The following USP46 variants were observed in gnomAD, a reference collection of about 807,000 sequenced individuals.
USP46 encodes the protein ubiquitin specific peptidase 46, also known as ubiquitin carboxyl-terminal hydrolase 46.
USP46 carries 12 observed loss-of-function variants against 44.4 expected under a neutral mutation model. The observed-to-expected ratio is 0.27, with a 90% confidence interval of 0.17 to 0.44. USP46 has a LOEUF of 0.44. Ranked by LOEUF, USP46 falls within the 20% of genes least tolerant of loss-of-function variation. USP46 has a pLI of 1.00. For missense variants in USP46, 248 were observed against 444.8 expected, an observed-to-expected ratio of 0.56 and a Z score of 3.98; for synonymous variants, 155 against 161.5, an observed-to-expected ratio of 0.96 and a Z score of 0.31.
chr4:52,623,553 A>G (rs1028471170), intron 4 of USP46, among the ~76,000 whole-genome samples: 1 of 152,216 alleles, frequency 6.6e-6, no homozygotes, highest in African/African-American at 2.4e-5. Flanking sequence ...AATACATTAG[A>G]TGCCAAAAAA....
In USP46 at chr4:52,633,151, G is replaced by A. The variant is rs1717981849; in HGVS notation, c.37-2007C>T. Reference sequence around the variant, plus strand: ...ACGTAACTGAGAACTAGTTGAAATGGCCACTTGTCCCTAAGCAAACATTAA... The same window carrying A: ...ACGTAACTGAGAACTAGTTGAAATGACCACTTGTCCCTAAGCAAACATTAA... On this transcript the variant is annotated intron_variant, in intron 1 of 8. Coordinates refer to ENST00000441222, the MANE Select transcript of USP46 (RefSeq NM_022832.4). 2.6e-5 allele frequency among the ~76,000 whole-genome samples: 4 copies of A among 152,100 alleles called. 1 individual carries two copies. Among genetic ancestry groups the A allele is most frequent in the Admixed American group, 2.6e-4 (4 of 15,274 alleles).
At position 52,595,947 on chromosome 4, in the gene USP46, C is replaced by G. The variant is rs1437832705; in HGVS notation, c.*1693G>C. ...AAAATATTTATAAATGTGAAATTGC[C>G]TCTAAACAAGGCAAGGTACATTTCC... is the stretch of plus-strand genomic sequence containing the variant. On this transcript the variant is annotated 3_prime_UTR_variant, in exon 9 of 9. Transcript: ENST00000441222. The G allele has an allele frequency of 2.6e-5, 4 of 152,590 alleles. No individual in the cohort carries two copies. Among genetic ancestry groups the G allele is most frequent in the African/African-American group, 9.7e-5 (4 of 41,430 alleles). The allele number at this position is 152,590 out of a possible 1,614,324, so 9.5% of individuals were successfully genotyped here. A position where few individuals can be genotyped will look rare whatever the true frequency, so the allele number is the denominator to read the frequency against.
intron 1 of USP46, among the ~76,000 whole-genome samples, chr4:52,632,994 G>GAAAGA (rs1553891327): frequency 3.3e-5 from 3 of 91,324 alleles, no homozygotes; most frequent in African/African-American, 9.2e-5. Context: ...GAAAAGAAAA[G>GAAAGA]AAAGAAAGAA....
rs1719082884 is a variant in USP46, at chr4:52,659,242, G to A, written c.-92C>T. On this transcript the variant is annotated 5_prime_UTR_variant, in exon 1 of 9. Coordinates refer to ENST00000441222, the MANE Select transcript of USP46 (RefSeq NM_022832.4). The surrounding 1 kb of genome is among the most constrained non-coding windows in gnomAD (Gnocchi z 4.2). The stretch of plus-strand genomic sequence containing the variant: ...GGCGCGCTGGCGGGGAGGCCGGGCG[G>A]CAGCGCGGCGGCCTGGGGTCCGGCT... The A allele has an allele frequency of 7.2e-7, 1 of 1,393,224 alleles. No homozygotes were observed. The highest frequency in any genetic ancestry group is 3.2e-5 in the East Asian group (1 of 30,968). 86.3% of individuals were successfully genotyped at this position (1,393,224 alleles called of 1,614,324 possible). A position where few individuals can be genotyped will look rare whatever the true frequency, so the allele number is the denominator to read the frequency against.
intron 4 of USP46, among the ~76,000 whole-genome samples, chr4:52,616,094 C>A (rs1717134933): frequency 6.6e-6 from 1 of 152,166 alleles, no homozygotes; most frequent in Non-Finnish European, 1.5e-5. Context: ...CCAACAACTG[C>A]CAAATATTCT....
chr4:52,598,056 C>G (rs562423001), intron 8 of USP46, among the ~76,000 whole-genome samples: 22 of 152,304 alleles, frequency 1.4e-4, no homozygotes, highest in African/African-American at 5.3e-4. Context: ...TAAGTCTTTT[C>G]GGCCACCAGA....
intron 1 of USP46, among the ~76,000 whole-genome samples, chr4:52,649,546 A>G (rs1363470307): frequency 6.6e-6 from 1 of 152,232 alleles, no homozygotes; most frequent in Non-Finnish European, 1.5e-5. Context: ...CTGTACCACC[A>G]GAGAGTTTGT....
intron 4 of USP46, among the ~76,000 whole-genome samples, chr4:52,615,363 C>T (rs1392447718): frequency 6.6e-6 from 1 of 151,690 alleles, no homozygotes; most frequent in African/African-American, 2.4e-5. Context: ...GAAGAGTTAG[C>T]GTAAGTTTGT....
chr4:52,652,313 C>A (rs1034642884), intron 1 of USP46, among the ~76,000 whole-genome samples: 3 of 152,180 alleles, frequency 2.0e-5, no homozygotes, highest in African/African-American at 7.2e-5. Flanking sequence ...GGCATAACTT[C>A]TTTGGAGAGC....
intron 1 of USP46, among the ~76,000 whole-genome samples, chr4:52,637,264 G>T (rs769401751): frequency 5.3e-5 from 8 of 152,128 alleles, no homozygotes; most frequent in Non-Finnish European, 8.8e-5. Context: ...TCCAAGGGCT[G>T]TCTGGGGCCC....
chr4:52,633,545 T>C lies in USP46; in HGVS notation c.37-2401A>G, dbSNP rs73248671. Among the ~76,000 whole-genome samples the C allele has an allele frequency of 4.7e-3, 717 of 152,248 alleles. 1 individual carries two copies. Among genetic ancestry groups the C allele is most frequent in the Non-Finnish European group, 8.3e-3 (567 of 68,018 alleles). On this transcript the variant is annotated intron_variant, in intron 1 of 8. Coordinates refer to ENST00000441222, the MANE Select transcript of USP46 (RefSeq NM_022832.4). Reference sequence around the variant, plus strand: ...TATCTCAAGCATAAATCAATGTAAATAATGCATATTAAATATACCCCCATA... The same window carrying C: ...TATCTCAAGCATAAATCAATGTAAACAATGCATATTAAATATACCCCCATA...
chr4:52,618,611 A>G (rs186503052), intron 4 of USP46, among the ~76,000 whole-genome samples: 11 of 152,214 alleles, frequency 7.2e-5, no homozygotes, highest in Admixed American at 7.2e-4. Context: ...CTAAATCCCC[A>G]TATTCCTTTC....
chr4:52,597,675 A>C lies in USP46; in HGVS notation c.1066T>G (p.Ser356Ala). Residue 356 changes from serine (S) to alanine (A), a missense_variant, in exon 9 of 9, where the codon TCT (serine) becomes GCT (alanine). This residue lies in a region of USP46 where 28 missense variants were observed against 28.5 expected (regional missense o/e 0.98). Coordinates refer to ENST00000441222, the MANE Select transcript of USP46 (RefSeq NM_022832.4). Reference protein sequence around the residue: ...LTSDISKNSESGYILFYQSRE With the variant: ...LTSDISKNSEAGYILFYQSRE ...GACTGATAGAATAAAATATATCCAG[A>C]TTCTGAATTTTTTGATATATCTGAC... The C allele has an allele frequency of 6.3e-7, 1 of 1,599,854 alleles. No homozygotes were observed. Among genetic ancestry groups the C allele is most frequent in the Non-Finnish European group, 8.5e-7 (1 of 1,172,486 alleles).
intron 2 of USP46, chr4:52,628,387 T>G (rs1030444032): frequency 1.4e-5 from 7 of 499,948 alleles, no homozygotes; most frequent in African/African-American, 1.3e-4. Context: ...GGTGCTTCTC[T>G]AGCCCATCAA....
At chr4:52,618,467 G>A (rs538119911) in intron 4 of USP46, among the ~76,000 whole-genome samples, 5 of 151,808 alleles carry the variant, frequency 3.3e-5, no homozygotes, top group African/African-American at 9.7e-5. Context: ...TCCAGCCTGG[G>A]TGACAGAGTG....
At chr4:52,627,151 G>A (rs1560402604) in intron 3 of USP46, among the ~76,000 whole-genome samples, 1 of 152,166 alleles carries the variant, frequency 6.6e-6, no homozygotes, top group Non-Finnish European at 1.5e-5. Context: ...TATTAATCAC[G>A]TTCACAACTC....
At chr4:52,635,328 A>G (rs979178943) in intron 1 of USP46, among the ~76,000 whole-genome samples, 2 of 152,146 alleles carry the variant, frequency 1.3e-5, no homozygotes, top group Non-Finnish European at 2.9e-5. Context: ...CTCTGAACAT[A>G]CACCCAGACA....
chr4:52,657,499 T>A (rs1718997958), intron 1 of USP46, among the ~76,000 whole-genome samples: 1 of 152,164 alleles, frequency 6.6e-6, no homozygotes. Context: ...CACCAAGGGC[T>A]GGGTCGGAGC....
rs1227453408 is a variant in USP46, at chr4:52,595,670, C to T, written c.*1970G>A. ...CAGCCTTCCAACTGAAATATTTTTT[C>T]TAATAAATTAGCTTCAAGAGGTGTT... On this transcript the variant is annotated 3_prime_UTR_variant, in exon 9 of 9. Transcript: ENST00000441222. 6.6e-6 allele frequency: 1 copy of T among 152,124 alleles called. No homozygotes were observed. Among genetic ancestry groups the T allele is most frequent in the Non-Finnish European group, 1.5e-5 (1 of 68,010 alleles). The allele number at this position is 152,124 out of a possible 1,614,324, so 9.4% of individuals were successfully genotyped here. A position where few individuals can be genotyped will look rare whatever the true frequency, so the allele number is the denominator to read the frequency against.
Sources: gnomAD v4.1 joint callset for allele counts (sites outside exome capture counted in the v4.1 genomes callset) on GRCh38, gnomAD v4.1.1 for gene constraint, gnomAD v4.1.1 regional missense constraint, Gnocchi (gnomAD v3.1) non-coding constraint, MANE v1.5 for transcripts, NCBI Gene and HGNC (gene_info 2026-07-23, HGNC 2026-07-21) for gene names.